Variants in FADS2 observed in about 807,000 individuals in gnomAD.
FADS2 encodes fatty acid desaturase 2.
FADS2 carries 18 observed loss-of-function variants against 61.2 expected under a neutral mutation model. The ratio of observed to expected loss-of-function variants is 0.29; its 90% confidence interval spans 0.20 to 0.44. The LOEUF (loss-of-function observed/expected upper bound fraction) is 0.44, where lower values mean the gene tolerates loss of function less well. Ranked by LOEUF, FADS2 falls within the 20% of genes least tolerant of loss-of-function variation. FADS2 has a pLI of 1.00. For missense variants in FADS2, 322 were observed against 572.7 expected, an observed-to-expected ratio of 0.56 and a Z score of 4.47; for synonymous variants, 203 against 223.9, an observed-to-expected ratio of 0.91 and a Z score of 0.83.
Position 61,865,349 on chromosome 11 carries a change from G to GCCCA in FADS2, c.1283+72_1283+73insCCCA. ...GTGCAGACAGTGGGATCACAAGAGG[G>GCCCA]GCTGGGCCCTCCTGGCACAGTCACC... is the stretch of plus-strand genomic sequence containing the variant. On this transcript the variant is annotated intron_variant, in intron 11 of 11. Transcript: ENST00000278840. This position sits in a 1 kb window ranked among gnomAD's most constrained non-coding sequence, Gnocchi z 4.1. 1 of 1,562,996 alleles carries GCCCA rather than the reference G, an allele frequency of 6.4e-7. No homozygotes were observed. Among genetic ancestry groups the GCCCA allele is most frequent in the Non-Finnish European group, 8.7e-7 (1 of 1,151,406 alleles).
chr11:61,851,431 G>A (rs1165944888), intron 5 of FADS2, among the ~76,000 whole-genome samples: 6 of 152,238 alleles, frequency 3.9e-5, no homozygotes, highest in Non-Finnish European at 8.8e-5. Context: ...TACCAGCGGC[G>A]TTTGGAAGTC....
intron 6 of FADS2, among the ~76,000 whole-genome samples, 190 bp downstream of exon 6, chr11:61,857,261 C>G (rs912728944): frequency 6.6e-6 from 1 of 152,124 alleles, no homozygotes; most frequent in Admixed American, 6.5e-5. Context: ...GACACAGAGG[C>G]TCAGAGAGTC....
At chr11:61,818,874 A>AT (rs879309902) in intron 1 of FADS2, among the ~76,000 whole-genome samples, 194 of 146,350 alleles carry the variant, frequency 1.3e-3, no homozygotes, top group South Asian at 1.7e-3. Context: ...GAAATTTAAG[A>AT]TTTTTTTTTT....
At chr11:61,851,801 C>T (rs1171124463) in intron 5 of FADS2, among the ~76,000 whole-genome samples, 3 of 152,238 alleles carry the variant, frequency 2.0e-5, no homozygotes, top group African/African-American at 4.8e-5. Context: ...GCGCGGGCTC[C>T]GCAGTAAAGC....
chr11:61,817,006 C>A, intron 1 of FADS2: 1 of 1,322,168 alleles, frequency 7.6e-7, no homozygotes, highest in Admixed American at 4.1e-5. Context: ...GGGCTGCCAA[C>A]ACGCGCCCCC....
chr11:61,859,127 G>C (rs145082635), intron 7 of FADS2, among the ~76,000 whole-genome samples: 24 of 151,964 alleles, frequency 1.6e-4, no homozygotes, highest in Non-Finnish European at 2.9e-4. Context: ...GCGTGATCTC[G>C]GCTCACCGAA....
chr11:61,817,825 CAACA>C (rs1347435436), intron 1 of FADS2, among the ~76,000 whole-genome samples: 1 of 152,188 alleles, frequency 6.6e-6, no homozygotes, highest in Non-Finnish European at 1.5e-5. Context: ...TTTATTTATT[CAACA>C]AACACTTTAT....
intron 1 of FADS2, chr11:61,821,447 G>A (rs1003762746): frequency 3.7e-5 from 26 of 701,460 alleles, no homozygotes; most frequent in Admixed American, 1.0e-4. Context: ...AACTGCCAGT[G>A]GCTGTTGGAA....
At chr11:61,855,967 C>T (rs2067354395) in intron 5 of FADS2, 1 of 152,356 alleles carries the variant, frequency 6.6e-6, no homozygotes, top group African/African-American at 2.4e-5. Flanking sequence ...CTCCTCTTAC[C>T]AACCACTGAT....
chr11:61,866,638 G>C lies in FADS2; in HGVS notation c.*949G>C, dbSNP rs1022764183. Reference sequence around the variant, plus strand: ...CCCTGGCCATTTGGCCCCAGGGGACGTGGGCCCTGCAGGCTGCAGGAGGGC... The same window carrying C: ...CCCTGGCCATTTGGCCCCAGGGGACCTGGGCCCTGCAGGCTGCAGGAGGGC... On this transcript the variant is annotated 3_prime_UTR_variant, in exon 12 of 12. Transcript: ENST00000278840. 6.6e-6 allele frequency: 1 copy of C among 152,450 alleles called. No homozygotes were observed. The highest frequency in any genetic ancestry group is 1.5e-5 in the Non-Finnish European group (1 of 68,136). The allele number at this position is 152,450 out of a possible 1,614,324, so 9.4% of individuals were successfully genotyped here.
intron 5 of FADS2, among the ~76,000 whole-genome samples, chr11:61,849,348 C>T (rs1448280915): frequency 1.3e-5 from 2 of 152,186 alleles, no homozygotes; most frequent in African/African-American, 4.8e-5. Flanking sequence ...AACTTCTAAA[C>T]AGTACAGAAA....
intron 10 of FADS2, among the ~76,000 whole-genome samples, chr11:61,864,584 G>A (rs750647242): frequency 6.6e-5 from 10 of 151,702 alleles, no homozygotes; most frequent in Non-Finnish European, 1.3e-4. Flanking sequence ...TAGTGGAGAC[G>A]GGGTTTCACC....
At chr11:61,818,131 G>A (rs983852333) in intron 1 of FADS2, among the ~76,000 whole-genome samples, 7 of 152,228 alleles carry the variant, frequency 4.6e-5, no homozygotes, top group Admixed American at 1.3e-4. Context: ...TTCTGAGCAC[G>A]TAGGAGTCAG....
In FADS2 at chr11:61,821,248, A is replaced by T; in HGVS notation, c.141+4822A>T. 1.0e-5 allele frequency: 6 copies of T among 582,898 alleles called. No homozygotes were observed. In the South Asian group the frequency reaches 1.3e-4, roughly 13 times the overall value. The allele number at this position is 582,898 out of a possible 1,614,324, so 36.1% of individuals were successfully genotyped here. A position where few individuals can be genotyped will look rare whatever the true frequency, so the allele number is the denominator to read the frequency against. On this transcript the variant is annotated intron_variant, in intron 1 of 11. Coordinates refer to the FADS2 transcript ENST00000257261. Reference sequence around the variant, plus strand: ...AAGACCCTAATGCCAGGCCAGGCACAGTGACTCGTGCCTATAATCCCAGTG... The same window carrying T: ...AAGACCCTAATGCCAGGCCAGGCACTGTGACTCGTGCCTATAATCCCAGTG...
intron 1 of FADS2, among the ~76,000 whole-genome samples, chr11:61,832,983 C>T (rs541930655): frequency 9.2e-4 from 140 of 152,290 alleles, no homozygotes; most frequent in African/African-American, 2.7e-3. Flanking sequence ...CAGTGGATGG[C>T]GAGCAACTGT....
At chr11:61,818,163 C>A (rs1015770889) in intron 1 of FADS2, among the ~76,000 whole-genome samples, 2 of 152,204 alleles carry the variant, frequency 1.3e-5, no homozygotes. Flanking sequence ...ACAGAATAGA[C>A]TAGGTGAAAT....
At chr11:61,835,338 C>T (rs570238876) in intron 1 of FADS2, among the ~76,000 whole-genome samples, 78 of 151,516 alleles carry the variant, frequency 5.1e-4, no homozygotes, top group African/African-American at 1.5e-3. Flanking sequence ...GAGATCCTTA[C>T]GTGTGGGGCT....
At chr11:61,822,698 A>G (rs1226477280) in intron 1 of FADS2, among the ~76,000 whole-genome samples, 1 of 152,226 alleles carries the variant, frequency 6.6e-6, no homozygotes, top group Admixed American at 6.5e-5. Flanking sequence ...TCCAGTACAA[A>G]TGATCTCTCT....
intron 5 of FADS2, chr11:61,855,254 T>C (rs1369377115): frequency 6.6e-6 from 1 of 151,992 alleles, no homozygotes; most frequent in Non-Finnish European, 1.5e-5. Flanking sequence ...AGAGATGCGG[T>C]GGGGAGGAGC....
Sources: allele counts gnomAD v4.1 joint callset (sites outside exome capture counted in the v4.1 genomes callset), GRCh38; gene constraint gnomAD v4.1.1; non-coding constraint Gnocchi (gnomAD v3.1); transcripts MANE v1.5; gene names NCBI Gene and HGNC (gene_info 2026-07-23, HGNC 2026-07-21).